GOLGA2: variants seen among roughly 807,000 people sequenced by gnomAD.
GOLGA2 encodes the protein golgin subfamily A member 2.
In GOLGA2, 49 loss-of-function variants were observed where a neutral mutation model predicts 148.8. The ratio of observed to expected loss-of-function variants is 0.33; its 90% CI spans 0.26 to 0.42. The LOEUF is 0.42. GOLGA2 is among the 10% of genes least tolerant of loss of function. GOLGA2 has a pLI of 1.00. For missense variants in GOLGA2, 1,178 were observed against 1,304.6 expected (o/e 0.90, Z 1.49); for synonymous variants, 501 against 511.8 (o/e 0.98, Z 0.28).
Position 128,261,313 on chromosome 9 carries a change from G to T in GOLGA2, c.1333-54C>A. 7.0e-7 allele frequency: 1 copy of T among 1,429,570 alleles called. No homozygotes were observed. The highest frequency in any genetic ancestry group is 9.9e-7 in the Non-Finnish European group (1 of 1,012,628). The allele number at this position is 1,429,570 out of a possible 1,614,324, so 88.6% of individuals were successfully genotyped here. ...TGGAGAGGGGCTGGTGGCTGGACAG[G>T]CTACCATCTCCCTCTGCCCCCACCG... On this transcript the variant is annotated intron_variant, in intron 16 of 26. Transcript: ENST00000611957. The surrounding 1 kb of genome is among the most constrained non-coding windows in gnomAD (Gnocchi z 5.7).
intron 12 of GOLGA2, 143 bp from the exon 13 acceptor site, chr9:128,263,235 C>G: frequency 1.5e-6 from 1 of 678,934 alleles, no homozygotes. Context: ...CATTTCCAAG[C>G]CCATGGTCTC....
chr9:128,257,469 C>T lies in GOLGA2; in HGVS notation c.2775G>A (p.Glu925=). The part of the protein sequence containing the change: ...LVLRLVGDRN[E]WHGRFLAAAQ... ...CAGCTGCCAGGAATCTGCCATGCCA[C>T]TCGTTGCGGTCGCCCACAAGCCGTA... is the stretch of plus-strand genomic sequence containing the variant. Residue 925 remains glutamate (E), a synonymous_variant, in exon 26 of 27, where the codon GAG becomes GAA. Transcript: ENST00000611957. This position sits in a 1 kb window ranked among gnomAD's most constrained non-coding sequence, Gnocchi z 8.0. The T allele has an allele frequency of 6.2e-7, 1 of 1,613,428 alleles. No homozygotes were observed. The highest frequency in any genetic ancestry group is 8.5e-7 in the Non-Finnish European group (1 of 1,180,006).
chr9:128,258,870 CG>C lies in GOLGA2; in HGVS notation c.2173+136del. On this transcript the variant is annotated intron_variant, in intron 21 of 26. Coordinates refer to ENST00000611957, the MANE Select transcript of GOLGA2 (RefSeq NM_001366244.2). This position sits in a 1 kb window ranked among gnomAD's most constrained non-coding sequence, Gnocchi z 6.6. ...TCCCAGGAAGTCACCATATTGATGCCGAACTTAGTGTGGACACCCAGTTGGC... is the reference window on the plus strand; with the variant it reads ...TCCCAGGAAGTCACCATATTGATGCCAACTTAGTGTGGACACCCAGTTGGC... 1.4e-6 allele frequency: 1 copy of C among 700,632 alleles called. No individual in the cohort carries two copies. The highest frequency in any genetic ancestry group is 1.7e-5 in the South Asian group (1 of 58,366). The allele number at this position is 700,632 out of a possible 1,614,324, so 43.4% of individuals were successfully genotyped here. A position where few individuals can be genotyped will look rare whatever the true frequency, so the allele number is the denominator to read the frequency against.
chr9:128,257,088 C>G lies in GOLGA2; in HGVS notation c.3069G>C (p.Glu1023Asp). ...PFFYRADEND[E>D]VKITVI ...GCTTTTAGATGACAGTGATCTTCAC[C>G]TCATCATTCTCGTCAGCCCGGTAAA... is the stretch of plus-strand genomic sequence containing the variant. Residue 1023 changes from glutamate to aspartate, a missense_variant, in exon 27 of 27, where the codon GAG becomes GAC. Glu to Asp is a conservative substitution (Grantham distance 45). Transcript: ENST00000611957. This position sits in a 1 kb window ranked among gnomAD's most constrained non-coding sequence, Gnocchi z 8.0. 6.2e-7 allele frequency: 1 copy of G among 1,613,488 alleles called. No homozygotes were observed. Among genetic ancestry groups the G allele is most frequent in the Non-Finnish European group, 8.5e-7 (1 of 1,179,540 alleles).
In GOLGA2 at chr9:128,257,057, T is replaced by C. The variant is rs142980945; in HGVS notation, c.*10A>G. The C allele has an allele frequency of 5.1e-5, 82 of 1,602,754 alleles. No homozygotes were observed. In the East Asian group the frequency reaches 1.7e-3, roughly 32 times the overall value. On this transcript the variant is annotated 3_prime_UTR_variant, in exon 27 of 27. Coordinates refer to ENST00000611957, the MANE Select transcript of GOLGA2 (RefSeq NM_001366244.2). This position sits in a 1 kb window ranked among gnomAD's most constrained non-coding sequence, Gnocchi z 8.0. ...CCACTTCTTCAGGCTTTGCTGACAG[T>C]AGCCGGCTTTTAGATGACAGTGATC...
chr9:128,261,351 G>T lies in GOLGA2; in HGVS notation c.1333-92C>A. 8.1e-7 allele frequency: 1 copy of T among 1,233,530 alleles called. No homozygotes were observed. The highest frequency in any genetic ancestry group is 1.2e-5 in the South Asian group (1 of 83,360). 76.4% of individuals were successfully genotyped at this position (1,233,530 alleles called of 1,614,324 possible). A position where few individuals can be genotyped will look rare whatever the true frequency, so the allele number is the denominator to read the frequency against. ...TCTGCCCCCACCGCCACAAAGCCCA[G>T]ACCCATGACCACCTCTGGCTGTGCT... is the stretch of plus-strand genomic sequence containing the variant. On this transcript the variant is annotated intron_variant, in intron 16 of 26. Transcript: ENST00000611957. This position sits in a 1 kb window ranked among gnomAD's most constrained non-coding sequence, Gnocchi z 5.7.
Position 128,261,398 on chromosome 9 carries a change from A to G in GOLGA2, c.1332+56T>C. The G allele has an allele frequency of 7.9e-7, 1 of 1,260,634 alleles. No individual in the cohort carries two copies. Among genetic ancestry groups the G allele is most frequent in the Non-Finnish European group, 1.2e-6 (1 of 857,458 alleles). 78.1% of individuals were successfully genotyped at this position (1,260,634 alleles called of 1,614,324 possible). ...TGCTCCTCCCATTTCGCAGATGCCCAGAAAGATCAAGTGACCTATCTAAGG... is the reference window on the plus strand; with the variant it reads ...TGCTCCTCCCATTTCGCAGATGCCCGGAAAGATCAAGTGACCTATCTAAGG... On this transcript the variant is annotated intron_variant, in intron 16 of 26. Transcript: ENST00000611957. The surrounding 1 kb of genome is among the most constrained non-coding windows in gnomAD (Gnocchi z 5.7).
chr9:128,269,728 C>T (rs754709416), intron 3 of GOLGA2, among the ~76,000 whole-genome samples: 2 of 152,294 alleles, frequency 1.3e-5, no homozygotes, highest in Middle Eastern at 3.4e-3. Flanking sequence ...CACCAGGGAG[C>T]CAGGGCCTGG....
chr9:128,265,867 G>A lies in GOLGA2; in HGVS notation c.747C>T (p.Thr249=), dbSNP rs267602136. 2 of 1,612,898 alleles carry A rather than the reference G, an allele frequency of 1.2e-6. No homozygotes were observed. The highest frequency in any genetic ancestry group is 1.7e-6 in the Non-Finnish European group (2 of 1,178,848). ...CTTTCTCTGATACGAGGATCCCTAT[G>A]GTCTGAATGTGAACCTTTGGGAGGA... The part of the protein sequence containing the change: ...LREQLQVHIQ[T]IGILVSEKAE... The change falls in exon 11 of 27, where the codon ACC becomes ACT. Residue 249 remains threonine, a synonymous_variant. Transcript: ENST00000611957.
In GOLGA2 at chr9:128,266,692, AG is replaced by A. The variant is rs1368354866; in HGVS notation, c.643-368del. The A allele has an allele frequency of 2.6e-6, 1 of 388,136 alleles. No individual in the cohort carries two copies. Among genetic ancestry groups the A allele is most frequent in the Non-Finnish European group, 4.7e-6 (1 of 213,854 alleles). 24.0% of individuals were successfully genotyped at this position (388,136 alleles called of 1,614,324 possible). Reference sequence around the variant, plus strand: ...CAGGCCAGGTACGGTTCTTAATAGCAGGGATACCAGACAGAAAAAGACAGAC... The same window carrying A: ...CAGGCCAGGTACGGTTCTTAATAGCAGGATACCAGACAGAAAAAGACAGAC... On this transcript the variant is annotated intron_variant, in intron 8 of 26. Coordinates refer to ENST00000611957, the MANE Select transcript of GOLGA2 (RefSeq NM_001366244.2). The surrounding 1 kb of genome is among the most constrained non-coding windows in gnomAD (Gnocchi z 4.2).
At position 128,260,964 on chromosome 9, in the gene GOLGA2, G is replaced by T; in HGVS notation, c.1421-162C>A. 1 of 668,994 alleles carries T rather than the reference G, an allele frequency of 1.5e-6. No individual in the cohort carries two copies. Among genetic ancestry groups the T allele is most frequent in the Non-Finnish European group, 2.6e-6 (1 of 385,700 alleles). The allele number at this position is 668,994 out of a possible 1,614,324, so 41.4% of individuals were successfully genotyped here. ...AAACCACTTTCCGATAGCGACAACT[G>T]TGGGTGGCTGACAACGGGCACTCCT... On this transcript the variant is annotated intron_variant, in intron 17 of 26. Transcript: ENST00000611957. The surrounding 1 kb of genome is among the most constrained non-coding windows in gnomAD (Gnocchi z 4.8).
Position 128,257,143 on chromosome 9 carries a change from C to A in GOLGA2, c.3014G>T (p.Gly1005Val). The part of the protein sequence containing the change: ...REMQNPRERP[G>V]LGSNPCIPFF... ...AGGAATGCAGGGGTTGCTGCCCAAG[C>A]CTGGGCGCTCCCGGGGGTTCTGCAT... is the stretch of plus-strand genomic sequence containing the variant. Residue 1005 changes from glycine to valine, a missense_variant, in exon 27 of 27, where the codon GGC becomes GTC. Around this residue, in one of 5 missense-constraint regions of GOLGA2, gnomAD observed 149 missense variants for 154.9 expected, o/e 0.96. Coordinates refer to ENST00000611957, the MANE Select transcript of GOLGA2 (RefSeq NM_001366244.2). This position sits in a 1 kb window ranked among gnomAD's most constrained non-coding sequence, Gnocchi z 8.0. 6.2e-7 allele frequency: 1 copy of A among 1,614,202 alleles called. No individual in the cohort carries two copies. The highest frequency in any genetic ancestry group is 8.5e-7 in the Non-Finnish European group (1 of 1,180,020).
At position 128,262,747 on chromosome 9, in the gene GOLGA2, AAAGG is replaced by A. The variant is rs374654478; in HGVS notation, c.993-47_993-44del. 4.2e-5 allele frequency: 67 copies of A among 1,586,134 alleles called. No homozygotes were observed. In the Middle Eastern group the frequency reaches 1.3e-3, roughly 30 times the overall value. ...AGAGAAAGGAATGAACGAAGAACAG[AAAGG>A]ACTGCTTTGGTGATCCACCCTCTAC... is the stretch of plus-strand genomic sequence containing the variant. On this transcript the variant is annotated intron_variant, in intron 13 of 26. Transcript: ENST00000611957.
In GOLGA2 at chr9:128,259,253, T is replaced by A. The variant is rs761761265; in HGVS notation, c.2011A>T (p.Thr671Ser). The A allele has an allele frequency of 1.1e-5, 18 of 1,606,570 alleles. No homozygotes were observed. In the Admixed American group the frequency reaches 1.2e-4, roughly 11 times the overall value. ...EVLHNQLLLQTQLVDQLQQQE... is the reference protein window; with the variant it reads ...EVLHNQLLLQSQLVDQLQQQE... ...TGCTGCAGCTGGTCCACGAGCTGGG[T>A]CTGCAGCAGTAGCTGATTATGCAGC... Residue 671 changes from threonine (T) to serine (S), a missense_variant, in exon 20 of 27, where the codon ACC becomes TCC. Transcript: ENST00000611957.
intron 12 of GOLGA2, among the ~76,000 whole-genome samples, chr9:128,265,083 A>G (rs898746813): frequency 6.6e-6 from 1 of 152,192 alleles, no homozygotes; most frequent in African/African-American, 2.4e-5. Flanking sequence ...TGAAAGGATG[A>G]TATATTCAGA....
Position 128,260,292 on chromosome 9 carries a change from G to T in GOLGA2, c.1759-103C>A. On this transcript the variant is annotated intron_variant, in intron 18 of 26. Coordinates refer to ENST00000611957, the MANE Select transcript of GOLGA2 (RefSeq NM_001366244.2). This position sits in a 1 kb window ranked among gnomAD's most constrained non-coding sequence, Gnocchi z 4.8. ...CATGGCACCGGGAAGGGTGGAGGCAGGTTAGAAAAATCATCCCCTCTCCCC... is the reference window on the plus strand; with the variant it reads ...CATGGCACCGGGAAGGGTGGAGGCATGTTAGAAAAATCATCCCCTCTCCCC... 8.4e-7 allele frequency: 1 copy of T among 1,197,226 alleles called. No individual in the cohort carries two copies. Among genetic ancestry groups the T allele is most frequent in the Non-Finnish European group, 1.2e-6 (1 of 813,846 alleles). The allele number at this position is 1,197,226 out of a possible 1,614,324, so 74.2% of individuals were successfully genotyped here. A position where few individuals can be genotyped will look rare whatever the true frequency, so the allele number is the denominator to read the frequency against.
In GOLGA2 at chr9:128,258,739, G is replaced by A. The variant is rs1260030008; in HGVS notation, c.2174-169C>T. 1.6e-6 allele frequency: 1 copy of A among 625,498 alleles called. No homozygotes were observed. Among genetic ancestry groups the A allele is most frequent in the African/African-American group, 1.8e-5 (1 of 54,096 alleles). 38.7% of individuals were successfully genotyped at this position (625,498 alleles called of 1,614,324 possible). On this transcript the variant is annotated intron_variant, in intron 21 of 26. Coordinates refer to ENST00000611957, the MANE Select transcript of GOLGA2 (RefSeq NM_001366244.2). This position sits in a 1 kb window ranked among gnomAD's most constrained non-coding sequence, Gnocchi z 6.6. ...TTTTTAAGAGCCAAGGGCTCGCTATGCTGCCCAGGTGCAGTCCCACTACCG... is the reference window on the plus strand; with the variant it reads ...TTTTTAAGAGCCAAGGGCTCGCTATACTGCCCAGGTGCAGTCCCACTACCG...
chr9:128,260,649 C>G lies in GOLGA2; in HGVS notation c.1574G>C (p.Arg525Pro). Residue 525 changes from arginine to proline, a missense_variant, in exon 18 of 27, where the codon CGG becomes CCG. Arg to Pro is a moderately radical substitution (Grantham distance 103). Around this residue, in one of 5 missense-constraint regions of GOLGA2, gnomAD observed 529 missense variants for 521.8 expected, o/e 1.01. Coordinates refer to ENST00000611957, the MANE Select transcript of GOLGA2 (RefSeq NM_001366244.2). The surrounding 1 kb of genome is among the most constrained non-coding windows in gnomAD (Gnocchi z 4.8). ...CTCCAGCAGCCTCTCCTCCTGCTCCCGGTTCAGGCGACTCAAGCCCTCATT... is the reference window on the plus strand; with the variant it reads ...CTCCAGCAGCCTCTCCTCCTGCTCCGGGTTCAGGCGACTCAAGCCCTCATT... ...QDNEGLSRLNREQEERLLELE... is the reference protein window; with the variant it reads ...QDNEGLSRLNPEQEERLLELE... 1 of 1,612,470 alleles carries G rather than the reference C, an allele frequency of 6.2e-7. No individual in the cohort carries two copies. Among genetic ancestry groups the G allele is most frequent in the Non-Finnish European group, 8.5e-7 (1 of 1,180,010 alleles).
At chr9:128,275,300 C>CAA (rs965161329) in intron 1 of GOLGA2, 15 of 810,540 alleles carry the variant, frequency 1.9e-5, no homozygotes, top group Non-Finnish European at 2.2e-5. Context: ...GTCCTAAGAT[C>CAA]AAAGACTGGT....
Sources: allele counts gnomAD v4.1 joint callset (sites outside exome capture counted in the v4.1 genomes callset), GRCh38; gene constraint gnomAD v4.1.1; regional missense constraint gnomAD v4.1.1; non-coding constraint Gnocchi (gnomAD v3.1); transcripts MANE v1.5; gene names NCBI Gene and HGNC (gene_info 2026-07-23, HGNC 2026-07-21).